Variants in BPTF observed in about 807,000 individuals in gnomAD.
The protein encoded by BPTF is nucleosome-remodeling factor subunit BPTF.
BPTF carries 18 observed loss-of-function variants against 292.5 expected under a neutral mutation model. That is an observed-to-expected ratio of 0.06 (90% CI 0.04 to 0.09). The LOEUF (loss-of-function observed/expected upper bound fraction) is 0.09, where lower values mean the gene tolerates loss of function less well. Ranked by LOEUF, BPTF falls within the 10% of genes least tolerant of loss-of-function variation. BPTF has a pLI of 1.00. For synonymous variants in BPTF, 1,225 were observed against 1,251.9 expected (o/e 0.98, Z 0.45); for missense variants, 2,726 against 3,498.7 (o/e 0.78, Z 5.57).
chr17:67,825,999 G>A lies in BPTF; in HGVS notation c.275G>A (p.Arg92Gln), dbSNP rs2055972348. Residue 92 changes from arginine (R) to glutamine (Q), a missense_variant, in exon 1 of 28, where the codon CGG becomes CAG. Arg to Gln is a conservative substitution (Grantham distance 43). Coordinates refer to ENST00000306378, the MANE Select transcript of BPTF (RefSeq NM_182641.4). ...PAPPSTSAPG[R>Q]GGRGGGGGRT... is the part of the protein sequence containing the mutation. Reference sequence around the variant, plus strand: ...CCCCCCAGCACCAGCGCCCCGGGCCGGGGGGGGCGAGGAGGCGGGGGCGGC... The same window carrying A: ...CCCCCCAGCACCAGCGCCCCGGGCCAGGGGGGGCGAGGAGGCGGGGGCGGC... The A allele has an allele frequency of 8.0e-6, 9 of 1,121,582 alleles. No homozygotes were observed. Among genetic ancestry groups the A allele is most frequent in the Non-Finnish European group, 9.8e-6 (9 of 914,212 alleles). The allele number at this position is 1,121,582 out of a possible 1,614,324, so 69.5% of individuals were successfully genotyped here. A position where few individuals can be genotyped will look rare whatever the true frequency, so the allele number is the denominator to read the frequency against.
chr17:67,912,359 A>G lies in BPTF; in HGVS notation c.4475A>G (p.Asp1492Gly). ...AAATCGCATTTGCTGAGTTCTTCAG[A>G]TGCTGAAGGTAACTACCGAGATAGC... Reference protein sequence around the residue: ...ETKSHLLSSSDAEGNYRDSLE... With the variant: ...ETKSHLLSSSGAEGNYRDSLE... The change falls in exon 11 of 28, where the codon GAT becomes GGT. Residue 1492 changes from aspartate to glycine, a missense_variant. By Grantham distance (94) the Asp-to-Gly change is moderately conservative. Around this residue, in one of 22 missense-constraint regions of BPTF, gnomAD observed 713 missense variants for 714.9 expected, o/e 1.00. Transcript: ENST00000306378. 6.2e-7 allele frequency: 1 copy of G among 1,614,146 alleles called. No individual in the cohort carries two copies. Among genetic ancestry groups the G allele is most frequent in the Admixed American group, 1.7e-5 (1 of 60,018 alleles).
At chr17:67,903,675 G>A (rs2061999271) in intron 7 of BPTF, 114 bp from the exon 8 acceptor site, 7 of 956,086 alleles carry the variant, frequency 7.3e-6, no homozygotes, top group Non-Finnish European at 1.0e-5. Context: ...GGGGTTGTCT[G>A]GTTTGTAGGA....
At chr17:67,866,785 G>A in intron 3 of BPTF, 98 bp downstream of exon 3, 2 of 891,660 alleles carry the variant, frequency 2.2e-6, no homozygotes, top group Middle Eastern at 2.3e-4. Context: ...AAATTTTCAA[G>A]TACAGTCGTG....
At chr17:67,851,085 C>T (rs1302606561) in intron 1 of BPTF, among the ~76,000 whole-genome samples, 1 of 152,128 alleles carries the variant, frequency 6.6e-6, no homozygotes, top group African/African-American at 2.4e-5. Context: ...TGGGAAGCAA[C>T]AGCCTGGGCT....
At chr17:67,916,781 A>G (rs957112269) in intron 11 of BPTF, among the ~76,000 whole-genome samples, 29 of 151,518 alleles carry the variant, frequency 1.9e-4, no homozygotes, top group Non-Finnish European at 3.8e-4. Context: ...AAAAAAAAAA[A>G]AAAAGAAAGC....
At chr17:67,976,072 T>TA (rs61489754) in intron 27 of BPTF, 114 bp downstream of exon 27, 25 of 587,394 alleles carry the variant, frequency 4.3e-5, no homozygotes, top group African/African-American at 4.1e-4. Context: ...TAAATATCTT[T>TA]AAAAAAAAAA....
In BPTF at chr17:67,982,185, G is replaced by T. The variant is rs781924437; in HGVS notation, c.8727-67G>T. On this transcript the variant is annotated intron_variant, in intron 27 of 27. Coordinates refer to ENST00000306378, the MANE Select transcript of BPTF (RefSeq NM_182641.4). ...CCCAGACTGACTGACCTTGGCATCCGCATAAAGCATCATTGTTTTCAAAAA... is the reference window on the plus strand; with the variant it reads ...CCCAGACTGACTGACCTTGGCATCCTCATAAAGCATCATTGTTTTCAAAAA... The T allele has an allele frequency of 4.9e-6, 7 of 1,415,722 alleles. No individual in the cohort carries two copies. In the African/African-American group the frequency reaches 5.7e-5, roughly 11 times the overall value. The allele number at this position is 1,415,722 out of a possible 1,614,324, so 87.7% of individuals were successfully genotyped here.
Position 67,912,664 on chromosome 17 carries a change from A to G in BPTF, c.4780A>G (p.Thr1594Ala). 2 of 1,614,104 alleles carry G rather than the reference A, an allele frequency of 1.2e-6. No homozygotes were observed. The highest frequency in any genetic ancestry group is 1.7e-6 in the Non-Finnish European group (2 of 1,180,026). The change falls in exon 11 of 28, where the codon ACA becomes GCA. Residue 1594 changes from threonine to alanine, a missense_variant. By Grantham distance (58) the Thr-to-Ala change is moderately conservative. Coordinates refer to ENST00000306378, the MANE Select transcript of BPTF (RefSeq NM_182641.4). ...VITEVTTMTSTVATESKTVIK... is the reference protein window; with the variant it reads ...VITEVTTMTSAVATESKTVIK... The stretch of plus-strand genomic sequence containing the variant: ...CACAGAAGTCACCACGATGACCTCC[A>G]CAGTGGCCACAGAATCAAAAACTGT...
chr17:67,883,477 G>A (rs928087271), intron 4 of BPTF, among the ~76,000 whole-genome samples: 6 of 152,128 alleles, frequency 3.9e-5, no homozygotes, highest in Admixed American at 3.3e-4. Flanking sequence ...CTATGTAACG[G>A]GAGATATTCA....
At chr17:67,890,165 T>G (rs2061016894) in intron 4 of BPTF, among the ~76,000 whole-genome samples, 1 of 152,172 alleles carries the variant, frequency 6.6e-6, no homozygotes, top group African/African-American at 2.4e-5. Context: ...ACCAGATTAT[T>G]TAGAATTTAC....
chr17:67,887,436 A>G (rs867274816), intron 4 of BPTF, among the ~76,000 whole-genome samples: 15 of 152,092 alleles, frequency 9.9e-5, no homozygotes, highest in African/African-American at 3.6e-4. Context: ...ATTTACTTAA[A>G]TTTATCAATC....
At chr17:67,871,960 G>C (rs935605947) in intron 3 of BPTF, among the ~76,000 whole-genome samples, 1 of 152,052 alleles carries the variant, frequency 6.6e-6, no homozygotes, top group Non-Finnish European at 1.5e-5. Context: ...CAGGTAGCTG[G>C]GATTACAGGC....
intron 12 of BPTF, among the ~76,000 whole-genome samples, 162 bp downstream of exon 12, chr17:67,919,000 G>A (rs1472626868): frequency 4.6e-5 from 7 of 151,164 alleles, no homozygotes; most frequent in South Asian, 2.1e-4. Flanking sequence ...GTGAAACCCC[G>A]TCTCTACTAA....
At position 67,880,225 on chromosome 17, in the gene BPTF, A is replaced by T. The variant is rs552432929; in HGVS notation, c.1864+5205A>T. 2.6e-3 allele frequency among the ~76,000 whole-genome samples: 403 copies of T among 152,090 alleles called. 3 individuals are homozygous for T. The highest frequency in any genetic ancestry group is 9.3e-3 in the African/African-American group (384 of 41,492). ...TTAGCAATTCCATTAGTCTTTTTTTAAAAAAACACAACTTTGTCTTTGTTG... is the reference window on the plus strand; with the variant it reads ...TTAGCAATTCCATTAGTCTTTTTTTTAAAAAACACAACTTTGTCTTTGTTG... On this transcript the variant is annotated intron_variant, in intron 4 of 27. Transcript: ENST00000306378.
chr17:67,979,296 C>CCAA (rs1391952782), intron 27 of BPTF, among the ~76,000 whole-genome samples: 1 of 151,790 alleles, frequency 6.6e-6, no homozygotes, highest in African/African-American at 2.4e-5. Flanking sequence ...ATCTGTAATA[C>CCAA]CAACACTTTG....
At position 67,903,777 on chromosome 17, in the gene BPTF, A is replaced by C; in HGVS notation, c.2544-12A>C. ...CCAAGTTAACATTGTCTTTCTATGC[A>C]TGAATTCTTAGGTTACACCGGATGA... On this transcript the variant is annotated splice_polypyrimidine_tract_variant and intron_variant, in intron 7 of 27. Coordinates refer to ENST00000306378, the MANE Select transcript of BPTF (RefSeq NM_182641.4). The C allele has an allele frequency of 6.5e-7, 1 of 1,528,000 alleles. No homozygotes were observed. Among genetic ancestry groups the C allele is most frequent in the Non-Finnish European group, 8.7e-7 (1 of 1,144,370 alleles). The allele number at this position is 1,528,000 out of a possible 1,614,324, so 94.7% of individuals were successfully genotyped here.
chr17:67,843,925 C>T (rs1172395938), intron 1 of BPTF, among the ~76,000 whole-genome samples: 1 of 149,964 alleles, frequency 6.7e-6, no homozygotes, highest in Non-Finnish European at 1.5e-5. Flanking sequence ...GCCACCATGG[C>T]CGGCTAATTT....
chr17:67,892,475 A>G (rs775655356), intron 5 of BPTF, among the ~76,000 whole-genome samples: 2 of 152,216 alleles, frequency 1.3e-5, no homozygotes, highest in Non-Finnish European at 2.9e-5. Flanking sequence ...AGTACTGTGG[A>G]TAGGACAGCA....
At chr17:67,858,168 T>A (rs1356655422) in intron 2 of BPTF, among the ~76,000 whole-genome samples, 13 of 151,978 alleles carry the variant, frequency 8.6e-5, no homozygotes, top group Non-Finnish European at 1.8e-4. Context: ...GAAACTGCTG[T>A]GAGAAACAAT....
Sources: allele counts gnomAD v4.1 joint callset (sites outside exome capture counted in the v4.1 genomes callset), GRCh38; gene constraint gnomAD v4.1.1; regional missense constraint gnomAD v4.1.1; transcripts MANE v1.5; gene names NCBI Gene and HGNC (gene_info 2026-07-23, HGNC 2026-07-21).